Variants in LOXL1 observed in about 807,000 individuals in gnomAD.
LOXL1 encodes lysyl oxidase homolog 1.
In LOXL1, 31 loss-of-function variants were observed where a neutral mutation model predicts 62.2. The observed-to-expected ratio is 0.50, with a 90% confidence interval of 0.37 to 0.67. The LOEUF (loss-of-function observed/expected upper bound fraction) is 0.67, where lower values mean the gene tolerates loss of function less well. Ranked by LOEUF, LOXL1 falls within the 30% of genes least tolerant of loss-of-function variation. The probability of loss-of-function intolerance (pLI) is 0.00; values close to 1 mark genes in which losing one functional copy is unlikely to be tolerated. For synonymous variants in LOXL1, 403 were observed against 384.4 expected (o/e 1.05, Z -0.56); for missense variants, 775 against 843.4 (o/e 0.92, Z 1.00).
At chr15:73,951,798 C>G in intron 6 of LOXL1, 33 bp from the exon 7 acceptor site, 1 of 1,528,148 alleles carries the variant, frequency 6.5e-7, no homozygotes, top group Non-Finnish European at 8.8e-7. Flanking sequence ...TACTTTGCAG[C>G]CCCTCATTGA....
intron 1 of LOXL1, chr15:73,928,176 C>A (rs546438103): frequency 1.1e-5 from 4 of 359,218 alleles, no homozygotes; most frequent in Non-Finnish European, 1.5e-5. Context: ...GGAGGAGGCT[C>A]GCCTTCTGCA....
chr15:73,927,768 C>T lies in LOXL1; in HGVS notation c.985C>T (p.Pro329Ser). 1 of 1,438,946 alleles carries T rather than the reference C, an allele frequency of 6.9e-7. No homozygotes were observed. The highest frequency in any genetic ancestry group is 1.4e-5 in the South Asian group (1 of 71,864). 89.1% of individuals were successfully genotyped at this position (1,438,946 alleles called of 1,614,324 possible). A position where few individuals can be genotyped will look rare whatever the true frequency, so the allele number is the denominator to read the frequency against. Residue 329 changes from proline (P) to serine (S), a missense_variant, in exon 1 of 7, where the codon CCG becomes TCG. Pro to Ser is a moderately conservative substitution (Grantham distance 74). Transcript: ENST00000261921. ...EAYGPPRALE[P>S]PYLPVRSSDT... ...GTACGGGCCGCCGCGCGCGCTGGAG[C>T]CGCCCTACCTGCCGGTGCGCAGCTC...
At position 73,946,435 on chromosome 15, in the gene LOXL1, G is replaced by A; in HGVS notation, c.1230G>A (p.Glu410=). 6.2e-7 allele frequency: 1 copy of A among 1,613,040 alleles called. No homozygotes were observed. The highest frequency in any genetic ancestry group is 8.5e-7 in the Non-Finnish European group (1 of 1,179,678). Residue 410 remains glutamate (E), a synonymous_variant, in exon 3 of 7, where the codon GAG becomes GAA. Coordinates refer to ENST00000261921, the MANE Select transcript of LOXL1 (RefSeq NM_005576.4). ...KCLASTAYAP[E]ATDYDVRVLL... is the part of the protein sequence containing the mutation. ...CCTGCAGCACAGCCTATGCCCCTGA[G>A]GCCACCGACTACGATGTGCGGGTGC... is the stretch of plus-strand genomic sequence containing the variant.
chr15:73,927,512 G>T lies in LOXL1; in HGVS notation c.729G>T (p.Leu243=). ...AGGAGTACGGCGGCGGCGAAGAGCT[G>T]CCCGAGTACCCGCCTCAGGGCTTCT... The part of the protein sequence containing the change: ...RYEEYGGGEE[L]PEYPPQGFYP... Residue 243 remains leucine (L), a synonymous_variant, in exon 1 of 7, where the codon CTG becomes CTT. Coordinates refer to ENST00000261921, the MANE Select transcript of LOXL1 (RefSeq NM_005576.4). 2 of 1,469,878 alleles carry T rather than the reference G, an allele frequency of 1.4e-6. No individual in the cohort carries two copies. Among genetic ancestry groups the T allele is most frequent in the Non-Finnish European group, 1.8e-6 (2 of 1,115,522 alleles). 91.1% of individuals were successfully genotyped at this position (1,469,878 alleles called of 1,614,324 possible).
intron 2 of LOXL1, among the ~76,000 whole-genome samples, chr15:73,944,716 T>G (rs576102818): frequency 6.6e-6 from 1 of 152,352 alleles, no homozygotes; most frequent in South Asian, 2.1e-4. Context: ...AAGCTGGGCC[T>G]AGAACCTAGA....
chr15:73,933,736 G>T (rs2068651144), intron 1 of LOXL1, among the ~76,000 whole-genome samples: 1 of 152,256 alleles, frequency 6.6e-6, no homozygotes, highest in African/African-American at 2.4e-5. Flanking sequence ...GGGCAGGAGA[G>T]GAAAGGGGCA....
chr15:73,949,430 C>A, intron 5 of LOXL1, 29 bp from the exon 6 acceptor site: 4 of 1,359,852 alleles, frequency 2.9e-6, no homozygotes, highest in Non-Finnish European at 4.2e-6. Context: ...GACTAGACTC[C>A]CTTTCTCCCT....
In LOXL1 at chr15:73,926,681, A is replaced by G; in HGVS notation, c.-103A>G. ...CATGGACAAAGCTAGAGCTGGGGCA[A>G]GCAAGGAGCCTTCCTGTCCTCGAGG... On this transcript the variant is annotated 5_prime_UTR_variant, in exon 1 of 7. Transcript: ENST00000261921. The G allele has an allele frequency of 7.8e-7, 1 of 1,278,878 alleles. No homozygotes were observed. The highest frequency in any genetic ancestry group is 3.0e-5 in the East Asian group (1 of 32,934). The allele number at this position is 1,278,878 out of a possible 1,614,324, so 79.2% of individuals were successfully genotyped here. A position where few individuals can be genotyped will look rare whatever the true frequency, so the allele number is the denominator to read the frequency against.
chr15:73,946,285 A>C (rs2141636034), intron 2 of LOXL1, 132 bp from the exon 3 acceptor site: 1 of 645,796 alleles, frequency 1.5e-6, no homozygotes, highest in Non-Finnish European at 2.7e-6. Flanking sequence ...ACAGAGGAGA[A>C]GATCTTCAGG....
chr15:73,946,385 ACC>A, intron 2 of LOXL1, 30 bp from the exon 3 acceptor site: 2 of 1,458,048 alleles, frequency 1.4e-6, no homozygotes, highest in Non-Finnish European at 1.9e-6. Flanking sequence ...CTGTGCCCCA[ACC>A]CCCCCTCATC....
chr15:73,944,042 A>G (rs1203641017), intron 2 of LOXL1, among the ~76,000 whole-genome samples: 1 of 152,206 alleles, frequency 6.6e-6, no homozygotes, highest in African/African-American at 2.4e-5. Flanking sequence ...AATGTTGTCG[A>G]TGTACATTCT....
At chr15:73,937,294 G>A (rs1220590037) in intron 1 of LOXL1, among the ~76,000 whole-genome samples, 3 of 152,220 alleles carry the variant, frequency 2.0e-5, no homozygotes, top group African/African-American at 4.8e-5. Context: ...AGCTCCAGGG[G>A]CAGAGCCAGG....
rs202217795 is a variant in LOXL1, at chr15:73,939,004, TG to T, written c.1103-3848del. ...GCTGATCACACAGTCTGATAATAAC[TG>T]GACTTCACCCAACATTGGCCACTCT... On this transcript the variant is annotated intron_variant, in intron 1 of 6. Transcript: ENST00000261921. 8.0e-3 allele frequency among the ~76,000 whole-genome samples: 1,213 copies of T among 152,282 alleles called. 6 individuals are homozygous for T. The highest frequency in any genetic ancestry group is 0.013 in the Admixed American group (196 of 15,296).
chr15:73,946,922 C>T (rs939708827), intron 3 of LOXL1, 145 bp from the exon 4 acceptor site: 3 of 881,508 alleles, frequency 3.4e-6, no homozygotes, highest in Non-Finnish European at 5.1e-6. Context: ...GGCCACCCCG[C>T]AGTACTCAGG....
chr15:73,933,400 C>T (rs1034738216), intron 1 of LOXL1, among the ~76,000 whole-genome samples: 4 of 152,142 alleles, frequency 2.6e-5, no homozygotes, highest in African/African-American at 9.7e-5. Flanking sequence ...TTCACTGTTC[C>T]CCTGAGGTGT....
chr15:73,941,003 C>G (rs2141631345), intron 1 of LOXL1, among the ~76,000 whole-genome samples: 1 of 151,990 alleles, frequency 6.6e-6, no homozygotes, highest in African/African-American at 2.4e-5. Context: ...TGCTGGGTCT[C>G]CTGAGTCTTA....
chr15:73,945,511 G>A lies in LOXL1; in HGVS notation c.1212-906G>A, dbSNP rs569539678. ...ATGGGTCAGGGAAAAAGTTCAGCCT[G>A]TTTGGAAAATAGGCTTTGAAGCAGG... On this transcript the variant is annotated intron_variant, in intron 2 of 6. Coordinates refer to ENST00000261921, the MANE Select transcript of LOXL1 (RefSeq NM_005576.4). The surrounding 1 kb of genome is among the most constrained non-coding windows in gnomAD (Gnocchi z 4.3). 6.6e-6 allele frequency among the ~76,000 whole-genome samples: 1 copy of A among 152,220 alleles called. No individual in the cohort carries two copies. Among genetic ancestry groups the A allele is most frequent in the African/African-American group, 2.4e-5 (1 of 41,462 alleles).
intron 1 of LOXL1, among the ~76,000 whole-genome samples, chr15:73,935,446 C>T (rs72745362): frequency 0.041 from 6,256 of 152,086 alleles, 189 homozygotes; most frequent in Non-Finnish European, 0.056. Context: ...CTGTGGGCAG[C>T]GTAAGTTTTG....
Position 73,926,634 on chromosome 15 carries a change from G to A in LOXL1, c.-150G>A, listed in dbSNP as rs1595841056. ...TTGAAATGCTGTCATCGGAGGAGCC[G>A]TCCCGCTCGGGACAAGGCCAGCATG... On this transcript the variant is annotated 5_prime_UTR_variant, in exon 1 of 7. Coordinates refer to ENST00000261921, the MANE Select transcript of LOXL1 (RefSeq NM_005576.4). 4 of 927,724 alleles carry A rather than the reference G, an allele frequency of 4.3e-6. No homozygotes were observed. In the East Asian group the frequency reaches 1.3e-4, roughly 30 times the overall value. 57.5% of individuals were successfully genotyped at this position (927,724 alleles called of 1,614,324 possible). A position where few individuals can be genotyped will look rare whatever the true frequency, so the allele number is the denominator to read the frequency against.
Sources: allele counts gnomAD v4.1 joint callset (sites outside exome capture counted in the v4.1 genomes callset), GRCh38; gene constraint gnomAD v4.1.1; non-coding constraint Gnocchi (gnomAD v3.1); transcripts MANE v1.5; gene names NCBI Gene and HGNC (gene_info 2026-07-23, HGNC 2026-07-21).